The following CENPT variants were observed in gnomAD, a reference collection of about 807,000 sequenced individuals.
CENPT encodes interphase centromere complex protein 22.
CENPT carries 42 observed loss-of-function variants against 59.7 expected under a neutral mutation model. That is an observed-to-expected ratio of 0.70 (90% CI 0.55 to 0.91). The LOEUF is 0.91. Among genes scored for constraint, CENPT ranks in the 40% least tolerant of loss-of-function variants. CENPT has a pLI of 0.00. For synonymous variants in CENPT, 295 were observed against 289.6 expected (o/e 1.02, Z -0.19); for missense variants, 716 against 713.4 (o/e 1.00, Z -0.04).
intron 9 of CENPT, 62 bp from the exon 10 acceptor site, chr16:67,831,420 C>A: frequency 6.3e-7 from 1 of 1,587,032 alleles, no homozygotes; most frequent in Non-Finnish European, 8.6e-7. Flanking sequence ...GCCCACAGAT[C>A]CCTCCATCTG....
intron 1 of CENPT, among the ~76,000 whole-genome samples, chr16:67,839,654 C>A (rs911389485): frequency 1.6e-4 from 24 of 151,988 alleles, no homozygotes; most frequent in African/African-American, 5.8e-4. Context: ...GGGTGGATCA[C>A]CTGAGGTCAG....
At chr16:67,847,100 G>T (rs1277681236) in intron 1 of CENPT, 4 of 123,204 alleles carry the variant, frequency 3.2e-5, no homozygotes, top group African/African-American at 1.2e-4. Flanking sequence ...CCCCCCCCCC[G>T]GCGGCCCGAA....
At chr16:67,838,743 T>C (rs1249193868) in intron 1 of CENPT, among the ~76,000 whole-genome samples, 1 of 149,980 alleles carries the variant, frequency 6.7e-6, no homozygotes, top group Non-Finnish European at 1.5e-5. Flanking sequence ...CTGGCCAACA[T>C]AGTGAAACCC....
intron 1 of CENPT, among the ~76,000 whole-genome samples, chr16:67,844,836 T>G (rs1367777950): frequency 6.6e-6 from 1 of 152,044 alleles, no homozygotes; most frequent in Non-Finnish European, 1.5e-5. Context: ...TCACCCAGGC[T>G]GGAGTGCAAT....
Position 67,828,343 on chromosome 16 carries a change from C to T in CENPT, c.1610G>A (p.Arg537Gln), listed in dbSNP as rs775890661. Reference sequence around the variant, plus strand: ...CTGCCGGTACTCCAGGGGCAGGTGCCGCTCCACTAGCACGTGCAGTGAGAC... The same window carrying T: ...CTGCCGGTACTCCAGGGGCAGGTGCTGCTCCACTAGCACGTGCAGTGAGAC... ...DQVSLHVLVE[R>Q]HLPLEYRQLL... The change falls in exon 16 of 16, where the codon CGG (arginine) becomes CAG (glutamine). Residue 537 changes from arginine (R) to glutamine (Q), a missense_variant. Coordinates refer to ENST00000562787, the MANE Select transcript of CENPT (RefSeq NM_025082.4). The T allele has an allele frequency of 8.1e-6, 13 of 1,609,504 alleles. No individual in the cohort carries two copies. The highest frequency in any genetic ancestry group is 1.7e-5 in the Admixed American group (1 of 59,840).
intron 1 of CENPT, among the ~76,000 whole-genome samples, chr16:67,841,398 TTTAA>T (rs1420229443): frequency 6.6e-6 from 1 of 152,112 alleles, no homozygotes; most frequent in East Asian, 1.9e-4. Flanking sequence ...TTCCAGGCTC[TTTAA>T]TGGCGGAGCC....
rs556079991 is a variant in CENPT, at chr16:67,833,801, A to C, written c.59T>G (p.Leu20Arg). 1.3e-6 allele frequency: 2 copies of C among 1,576,866 alleles called. No homozygotes were observed. Among genetic ancestry groups the C allele is most frequent in the East Asian group, 5.0e-5 (2 of 40,312 alleles). The change falls in exon 4 of 16, where the codon CTG becomes CGG. Residue 20 changes from leucine (L) to arginine (R), a missense_variant. By Grantham distance (102) the Leu-to-Arg change is moderately radical (BLOSUM62 -2). Coordinates refer to ENST00000562787, the MANE Select transcript of CENPT (RefSeq NM_025082.4). ...STPRTLLRRV[L>R]DTADPRTPRR... ...CGGGGTGCGCGGGTCCGCTGTATCCAGCACGCGTCGCAGCAGCGTGCGCGG... is the reference window on the plus strand; with the variant it reads ...CGGGGTGCGCGGGTCCGCTGTATCCCGCACGCGTCGCAGCAGCGTGCGCGG...
intron 1 of CENPT, among the ~76,000 whole-genome samples, chr16:67,836,932 G>A (rs1199398356): frequency 1.3e-5 from 2 of 152,080 alleles, no homozygotes; most frequent in Non-Finnish European, 2.9e-5. Context: ...TAGTAGAGAC[G>A]GGGTTTCACC....
intron 9 of CENPT, 82 bp downstream of exon 9, chr16:67,831,494 G>T: frequency 6.3e-7 from 1 of 1,580,220 alleles, no homozygotes; most frequent in Non-Finnish European, 8.7e-7. Flanking sequence ...AGTAGTATGG[G>T]CAGATTCCAT....
intron 1 of CENPT, among the ~76,000 whole-genome samples, chr16:67,837,379 G>GC (rs2057740168): frequency 7.0e-6 from 1 of 142,644 alleles, no homozygotes; most frequent in Non-Finnish European, 1.5e-5. Flanking sequence ...TCACCATGTT[G>GC]CCCAGGCTGG....
chr16:67,836,340 G>T (rs924723176), intron 1 of CENPT, among the ~76,000 whole-genome samples: 1 of 152,060 alleles, frequency 6.6e-6, no homozygotes, highest in Admixed American at 6.6e-5. Context: ...GATTACAGGC[G>T]TGAGCCACTA....
intron 1 of CENPT, among the ~76,000 whole-genome samples, chr16:67,845,867 G>A (rs1465988734): frequency 1.3e-5 from 2 of 152,232 alleles, no homozygotes; most frequent in African/African-American, 2.4e-5. Context: ...AGTGTGGTCC[G>A]GTCTTACCAG....
intron 10 of CENPT, 72 bp downstream of exon 10, chr16:67,831,144 C>G (rs1337700286): frequency 1.2e-6 from 2 of 1,605,864 alleles, no homozygotes; most frequent in Admixed American, 1.7e-5. Context: ...AACCCTGACT[C>G]AGCATCACCT....
chr16:67,829,896 G>A lies in CENPT; in HGVS notation c.1055C>T (p.Ala352Val), dbSNP rs2057666688. The change falls in exon 12 of 16, where the codon GCA (alanine) becomes GTA (valine). Residue 352 changes from alanine (A) to valine (V), a missense_variant. Ala to Val is a moderately conservative substitution (Grantham distance 64). Transcript: ENST00000562787. ...VSVSEMEATG[A>V]QGPSRVEEAE... Reference sequence around the variant, plus strand: ...CTCTTCTACCCTGCTGGGTCCTTGTGCTCCTGTTGCCTCCATTTCACTCAC... The same window carrying A: ...CTCTTCTACCCTGCTGGGTCCTTGTACTCCTGTTGCCTCCATTTCACTCAC... The A allele has an allele frequency of 6.2e-7, 1 of 1,614,106 alleles. No homozygotes were observed. Among genetic ancestry groups the A allele is most frequent in the African/African-American group, 1.3e-5 (1 of 74,932 alleles).
chr16:67,831,570 C>G lies in CENPT; in HGVS notation c.560+6G>C, dbSNP rs983484970. 5 of 1,613,954 alleles carry G rather than the reference C, an allele frequency of 3.1e-6. No homozygotes were observed. The African/African-American group carries it at 6.7e-5, about 22-fold the overall frequency. ...CTCCCAGAACAGGAAACACCCAGAGCAGCACCTGGTGAGGGAAGAGGCATC... is the reference window on the plus strand; with the variant it reads ...CTCCCAGAACAGGAAACACCCAGAGGAGCACCTGGTGAGGGAAGAGGCATC... On this transcript the variant is annotated splice_donor_region_variant and intron_variant, in intron 9 of 15. Coordinates refer to ENST00000562787, the MANE Select transcript of CENPT (RefSeq NM_025082.4).
rs2057620262 is a variant in CENPT, at chr16:67,828,257, A to G, written c.*10T>C. On this transcript the variant is annotated 3_prime_UTR_variant, in exon 16 of 16. Transcript: ENST00000562787. ...CAGGTGGGGACAGGGAAAGTGTTGAAGCCTGGCCACTACTGGGCAGGGAAG... is the reference window on the plus strand; with the variant it reads ...CAGGTGGGGACAGGGAAAGTGTTGAGGCCTGGCCACTACTGGGCAGGGAAG... The G allele has an allele frequency of 8.3e-6, 13 of 1,574,560 alleles. No homozygotes were observed. Among genetic ancestry groups the G allele is most frequent in the Non-Finnish European group, 1.1e-5 (13 of 1,157,468 alleles).
At chr16:67,837,007 C>T (rs956944037) in intron 1 of CENPT, among the ~76,000 whole-genome samples, 10 of 152,006 alleles carry the variant, frequency 6.6e-5, no homozygotes, top group Non-Finnish European at 1.2e-4. Flanking sequence ...TCCCAAAGTG[C>T]TGGGATTACA....
At chr16:67,831,068 C>T in intron 10 of CENPT, 148 bp downstream of exon 10, 1 of 1,006,788 alleles carries the variant, frequency 9.9e-7, no homozygotes, top group Non-Finnish European at 1.5e-6. Context: ...AGAAAGCAAG[C>T]AGAAATTCCT....
At chr16:67,846,402 C>G (rs1008114879) in intron 1 of CENPT, among the ~76,000 whole-genome samples, 1 of 152,264 alleles carries the variant, frequency 6.6e-6, no homozygotes, top group African/African-American at 2.4e-5. Flanking sequence ...CCCGACTCGC[C>G]GAGGTGCAGG....
Sources: allele counts gnomAD v4.1 joint callset (sites outside exome capture counted in the v4.1 genomes callset), GRCh38; gene constraint gnomAD v4.1.1; transcripts MANE v1.5; gene names NCBI Gene and HGNC (gene_info 2026-07-23, HGNC 2026-07-21).